SRPK2: variants seen among roughly 807,000 people sequenced by gnomAD.
SRPK2 encodes SRSF protein kinase 2, also known as SFRS protein kinase 2.
In SRPK2, 21 loss-of-function variants were observed where a neutral mutation model predicts 90.8. That is an observed-to-expected ratio of 0.23 (90% CI 0.16 to 0.33). The LOEUF is 0.33. SRPK2 is among the 10% of genes least tolerant of loss of function. SRPK2 has a pLI of 1.00. For synonymous variants in SRPK2, 288 were observed against 311.1 expected, an observed-to-expected ratio of 0.93 and a Z score of 0.78; for missense variants, 620 against 869.0, an observed-to-expected ratio of 0.71 and a Z score of 3.60.
intron 2 of SRPK2, among the ~76,000 whole-genome samples, chr7:105,214,458 C>T (rs1797206799): frequency 6.6e-6 from 1 of 152,170 alleles, no homozygotes; most frequent in Non-Finnish European, 1.5e-5. Flanking sequence ...GTAGAATTCA[C>T]CTTAGTGATA....
chr7:105,342,686 G>A (rs189439795), intron 2 of SRPK2, among the ~76,000 whole-genome samples: 9 of 152,144 alleles, frequency 5.9e-5, no homozygotes, highest in African/African-American at 1.7e-4. Flanking sequence ...CCATGCCCCC[G>A]TATATACGCT....
At chr7:105,326,590 A>T (rs1244811254) in intron 2 of SRPK2, among the ~76,000 whole-genome samples, 1 of 152,164 alleles carries the variant, frequency 6.6e-6, no homozygotes, top group Non-Finnish European at 1.5e-5. Context: ...GCCACTTATT[A>T]ATCACCCTCA....
In SRPK2 at chr7:105,170,953, A is replaced by AAGAAAGAAAGAAAGAAAG. The variant is rs1221274617; in HGVS notation, c.230-1689_230-1688insCTTTCTTTCTTTCTTTCT. On this transcript the variant is annotated intron_variant, in intron 3 of 15. Coordinates refer to ENST00000393651, the MANE Select transcript of SRPK2 (RefSeq NM_182692.3). ...GAAAAAGGAAAGAAAGAAAGAAAGA[A>AAGAAAGAAAGAAAGAAAG]AGAAAGAAAGAAAGAGAAAGAAAGA... Among the ~76,000 whole-genome samples, 25 of 46,542 alleles carry AAGAAAGAAAGAAAGAAAG rather than the reference A, an allele frequency of 5.4e-4. 2 individuals are homozygous for AAGAAAGAAAGAAAGAAAG. The highest frequency in any genetic ancestry group is 1.2e-3 in the Non-Finnish European group (22 of 18,314). 30.5% of individuals were successfully genotyped at this position (46,542 alleles called of 152,430 possible). A position where few individuals can be genotyped will look rare whatever the true frequency, so the allele number is the denominator to read the frequency against.
At chr7:105,381,770 A>G (rs1181878204) in intron 2 of SRPK2, among the ~76,000 whole-genome samples, 1 of 152,214 alleles carries the variant, frequency 6.6e-6, no homozygotes. Context: ...GAAGTATTCC[A>G]AAGTCATGGG....
At chr7:105,187,538 G>C (rs1328536146) in intron 3 of SRPK2, among the ~76,000 whole-genome samples, 2 of 152,182 alleles carry the variant, frequency 1.3e-5, no homozygotes, top group Non-Finnish European at 2.9e-5. Context: ...CACTGTTCCT[G>C]TCAGCTTTTA....
intron 7 of SRPK2, among the ~76,000 whole-genome samples, chr7:105,154,105 G>T: frequency 6.6e-6 from 1 of 152,226 alleles, no homozygotes; most frequent in Non-Finnish European, 1.5e-5. Context: ...ACATTGTCCT[G>T]AAATAGCCTC....
intron 2 of SRPK2, among the ~76,000 whole-genome samples, chr7:105,264,150 C>A (rs1233614331): frequency 6.6e-6 from 1 of 152,194 alleles, no homozygotes; most frequent in East Asian, 1.9e-4. Context: ...AAATCAAAGA[C>A]ATCTTGGTCC....
intron 2 of SRPK2, among the ~76,000 whole-genome samples, chr7:105,273,571 G>A (rs1016699020): frequency 6.6e-6 from 1 of 151,802 alleles, no homozygotes; most frequent in African/African-American, 2.4e-5. Flanking sequence ...GATTACAGGT[G>A]GGCACCACCA....
chr7:105,247,560 ACAG>A (rs1426133537), intron 2 of SRPK2, among the ~76,000 whole-genome samples: 13 of 149,612 alleles, frequency 8.7e-5, no homozygotes, highest in Non-Finnish European at 1.3e-4. Flanking sequence ...ACACACACAC[ACAG>A]AAGTTATACC....
chr7:105,136,383 C>A (rs547248203), intron 11 of SRPK2, among the ~76,000 whole-genome samples: 1 of 152,200 alleles, frequency 6.6e-6, no homozygotes, highest in Non-Finnish European at 1.5e-5. Context: ...GACTGAGTCA[C>A]CACAGTAGTG....
intron 13 of SRPK2, 45 bp downstream of exon 13, chr7:105,132,746 G>C (rs1802201879): frequency 2.0e-6 from 3 of 1,483,016 alleles, no homozygotes; most frequent in South Asian, 1.2e-5. Context: ...AGTGTGAAAG[G>C]AACGAGCCAA....
chr7:105,365,161 G>A (rs1358960660), intron 2 of SRPK2, among the ~76,000 whole-genome samples: 1 of 151,998 alleles, frequency 6.6e-6, no homozygotes, highest in East Asian at 1.9e-4. Context: ...TTTCCAGAAT[G>A]GGGCACTTCC....
At chr7:105,390,482 G>A (rs900994962), upstream of SRPK2, among the ~76,000 whole-genome samples, 4 of 152,068 alleles carry the variant, frequency 2.6e-5, no homozygotes, top group Non-Finnish European at 5.9e-5. Context: ...AGGCTGGAGT[G>A]CAGTGGCGCA....
chr7:105,319,688 T>A lies in SRPK2; in HGVS notation c.71+68960A>T, dbSNP rs73409873. On this transcript the variant is annotated intron_variant, in intron 2 of 15. Transcript: ENST00000393651. ...TAGACAAGATTGAAAAACGTAACTATGGGTATGCGCCTGTAAATACAGCTG... is the reference window on the plus strand; with the variant it reads ...TAGACAAGATTGAAAAACGTAACTAAGGGTATGCGCCTGTAAATACAGCTG... 3.2e-3 allele frequency among the ~76,000 whole-genome samples: 491 copies of A among 152,240 alleles called. 3 individuals are homozygous for A. The highest frequency in any genetic ancestry group is 0.011 in the African/African-American group (470 of 41,546).
intron 2 of SRPK2, among the ~76,000 whole-genome samples, chr7:105,375,176 A>G (rs1393648666): frequency 1.3e-5 from 2 of 152,204 alleles, no homozygotes. Context: ...TATGTTTAAA[A>G]AAATGTGTTG....
At chr7:105,139,199 T>C (rs1207017307) in intron 11 of SRPK2, among the ~76,000 whole-genome samples, 1 of 152,110 alleles carries the variant, frequency 6.6e-6, no homozygotes, top group East Asian at 1.9e-4. Context: ...GTGAGCATAC[T>C]GCAAAGACAC....
At chr7:105,348,997 T>G (rs1475354563) in intron 2 of SRPK2, among the ~76,000 whole-genome samples, 1 of 150,320 alleles carries the variant, frequency 6.7e-6, no homozygotes, top group Non-Finnish European at 1.5e-5. Flanking sequence ...AATACAAAAA[T>G]TAGCCGGGCG....
intron 13 of SRPK2, among the ~76,000 whole-genome samples, chr7:105,132,345 G>C (rs1210643205): frequency 6.6e-6 from 1 of 152,242 alleles, no homozygotes; most frequent in African/African-American, 2.4e-5. Flanking sequence ...ATGTCTGGTT[G>C]ACCAGGCAGA....
rs80268591 is a variant in SRPK2, at chr7:105,187,211, G to A, written c.229+16417C>T. 5.2e-3 allele frequency among the ~76,000 whole-genome samples: 787 copies of A among 152,322 alleles called. 8 individuals are homozygous for A. The highest frequency in any genetic ancestry group is 0.031 in the Middle Eastern group (9 of 294). On this transcript the variant is annotated intron_variant, in intron 3 of 15. Coordinates refer to ENST00000393651, the MANE Select transcript of SRPK2 (RefSeq NM_182692.3). ...GCAAAACCTCCTCCTCGGTTCTGCA[G>A]GTAAGATGTGCCTTCAATCTTTAAA...
Sources: gnomAD v4.1 joint callset for allele counts (sites outside exome capture counted in the v4.1 genomes callset) on GRCh38, gnomAD v4.1.1 for gene constraint, MANE v1.5 for transcripts, NCBI Gene and HGNC (gene_info 2026-07-23, HGNC 2026-07-21) for gene names.